PRDM16: variants seen among roughly 807,000 people sequenced by gnomAD.
PRDM16 encodes PR/SET domain 16.
Under a neutral mutation model 110.6 loss-of-function variants are expected in PRDM16, and 23 were observed. The observed-to-expected ratio is 0.21, with a 90% confidence interval of 0.15 to 0.29. The LOEUF is 0.29. PRDM16 is among the 10% of genes least tolerant of loss of function. The pLI is 1.00. For synonymous variants in PRDM16, 799 were observed against 781.8 expected (o/e 1.02, Z -0.37); for missense variants, 1,615 against 1,794.3 (o/e 0.90, Z 1.81).
At chr1:3,349,649 G>A (rs949112065) in intron 3 of PRDM16, among the ~76,000 whole-genome samples, 4 of 152,202 alleles carry the variant, frequency 2.6e-5, no homozygotes, top group East Asian at 1.9e-4. Flanking sequence ...GCTCAGGGCC[G>A]CCCGTGAAAG....
At chr1:3,316,245 C>T (rs1337171979) in intron 3 of PRDM16, among the ~76,000 whole-genome samples, 1 of 125,536 alleles carries the variant, frequency 8.0e-6, no homozygotes, top group Non-Finnish European at 1.5e-5. Context: ...TCCCGAGTCA[C>T]TTACCAGGTT....
intron 1 of PRDM16, among the ~76,000 whole-genome samples, chr1:3,137,832 G>A (rs1006811601): frequency 1.3e-5 from 2 of 152,230 alleles, no homozygotes; most frequent in Admixed American, 6.5e-5. Context: ...TCGCTTGTCC[G>A]GAGGTCCCTG....
At chr1:3,100,727 G>A (rs187820929) in intron 1 of PRDM16, among the ~76,000 whole-genome samples, 5 of 152,118 alleles carry the variant, frequency 3.3e-5, no homozygotes, top group African/African-American at 4.8e-5. Context: ...ACCCACACAC[G>A]CCCTATAGGG....
intron 4 of PRDM16, among the ~76,000 whole-genome samples, chr1:3,391,028 G>A (rs1349808230): frequency 2.0e-5 from 3 of 152,044 alleles, no homozygotes; most frequent in African/African-American, 4.8e-5. Flanking sequence ...TAGAGACAGG[G>A]TTTCACCATG....
chr1:3,243,997 A>G lies in PRDM16; in HGVS notation c.388-90A>G. 7.6e-7 allele frequency: 1 copy of G among 1,313,098 alleles called. No individual in the cohort carries two copies. The highest frequency in any genetic ancestry group is 1.2e-5 in the South Asian group (1 of 84,146). 81.3% of individuals were successfully genotyped at this position (1,313,098 alleles called of 1,614,324 possible). On this transcript the variant is annotated intron_variant, in intron 2 of 16. Transcript: ENST00000270722. The surrounding 1 kb of genome is among the most constrained non-coding windows in gnomAD (Gnocchi z 5.5). ...GGGTCCCACCCTGTGACTTTTGGGG[A>G]CAGTGGTTCTGCCCCCACCATTTAG...
rs370063016 is a variant in PRDM16 at position 3,336,277 on chromosome 1, T to C, written c.439-48875T>C. Among the ~76,000 whole-genome samples, 10 of 152,074 alleles carry C rather than the reference T, an allele frequency of 6.6e-5. No homozygotes were observed. The East Asian group carries it at 1.5e-3, about 23-fold the overall frequency. ...GTCTGTGTGTAGGTGTAGGCATGTT[T>C]ATCTCTGTGTATGAGCACGTGTGTG... is the stretch of plus-strand genomic sequence containing the variant. On this transcript the variant is annotated intron_variant, in intron 3 of 16. Coordinates refer to ENST00000270722, the MANE Select transcript of PRDM16 (RefSeq NM_022114.4).
rs2250291 is a variant in PRDM16, at chr1:3,290,616, C to G, written c.438+46479C>G. Among the ~76,000 whole-genome samples the G allele has an allele frequency of 7.2e-5, 11 of 152,056 alleles. No individual in the cohort carries two copies. Among genetic ancestry groups the G allele is most frequent in the Non-Finnish European group, 7.4e-5 (5 of 68,024 alleles). On this transcript the variant is annotated intron_variant, in intron 3 of 16. Transcript: ENST00000270722. The surrounding 1 kb of genome is among the most constrained non-coding windows in gnomAD (Gnocchi z 4.8). ...GGCTCCGGCTCCGTCTGCAGGATCC[C>G]TCCCAGGACGCAGTGGTGGGCCCAG... is the stretch of plus-strand genomic sequence containing the variant.
rs548892288 is a variant in PRDM16, at chr1:3,340,940, G to A, written c.439-44212G>A. Among the ~76,000 whole-genome samples, 21 of 152,280 alleles carry A rather than the reference G, an allele frequency of 1.4e-4. No individual in the cohort carries two copies. In the South Asian group the frequency reaches 3.7e-3, roughly 27 times the overall value. On this transcript the variant is annotated intron_variant, in intron 3 of 16. Transcript: ENST00000270722. ...CTGGCTGGAGTCCTCCCTGGAGGAA[G>A]GGGAGCATGGCCCCCGTGAGCTGAC...
chr1:3,210,263 A>G (rs562278227), intron 2 of PRDM16, among the ~76,000 whole-genome samples: 1 of 152,358 alleles, frequency 6.6e-6, no homozygotes, highest in South Asian at 2.1e-4. Context: ...TCCTTGCACT[A>G]GGATTCAACA....
At chr1:3,354,459 C>A (rs1285284488) in intron 3 of PRDM16, among the ~76,000 whole-genome samples, 262 of 112,978 alleles carry the variant, frequency 2.3e-3, no homozygotes, top group East Asian at 3.1e-3. Context: ...GACTCTGCCT[C>A]AAAAAAAAAA....
Position 3,353,619 on chromosome 1 carries a change from G to A in PRDM16, c.439-31533G>A, listed in dbSNP as rs182320771. Among the ~76,000 whole-genome samples the A allele has an allele frequency of 5.1e-4, 77 of 152,314 alleles. No individual in the cohort carries two copies. The highest frequency in any genetic ancestry group is 1.1e-3 in the African/African-American group (46 of 41,572). ...ATGAGTCCAGCCCCGCAGTGTGACC[G>A]GCAGTTGGCAAACCATTGACTCAGG... is the stretch of plus-strand genomic sequence containing the variant. On this transcript the variant is annotated intron_variant, in intron 3 of 16. Transcript: ENST00000270722. This position sits in a 1 kb window ranked among gnomAD's most constrained non-coding sequence, Gnocchi z 5.4.
chr1:3,336,242 G>A (rs2100499853), intron 3 of PRDM16, among the ~76,000 whole-genome samples: 1 of 152,372 alleles, frequency 6.6e-6, no homozygotes, highest in East Asian at 1.9e-4. Flanking sequence ...GCGTATATAT[G>A]TATGTTGGAG....
intron 3 of PRDM16, among the ~76,000 whole-genome samples, chr1:3,277,108 C>T (rs767122789): frequency 6.6e-6 from 1 of 152,222 alleles, no homozygotes; most frequent in Non-Finnish European, 1.5e-5. Flanking sequence ...CATTCGTCAC[C>T]TGCTGCCTGT....
intron 3 of PRDM16, among the ~76,000 whole-genome samples, chr1:3,352,698 C>G (rs2100541417): frequency 6.6e-6 from 1 of 152,364 alleles, no homozygotes; most frequent in East Asian, 1.9e-4. Flanking sequence ...CGTTCAGGCC[C>G]TAAATACACC....
chr1:3,232,611 A>T (rs1156882826), intron 2 of PRDM16, among the ~76,000 whole-genome samples: 2 of 152,206 alleles, frequency 1.3e-5, no homozygotes, highest in Non-Finnish European at 2.9e-5. Context: ...ACAAGCGAGG[A>T]TGAGAGAAAG....
Position 3,301,090 on chromosome 1 carries a change from G to A in PRDM16, c.438+56953G>A, listed in dbSNP as rs181071462. Among the ~76,000 whole-genome samples the A allele has an allele frequency of 4.3e-3, 655 of 152,246 alleles. 3 individuals are homozygous for A. The highest frequency in any genetic ancestry group is 0.01 in the Middle Eastern group (3 of 294). Reference sequence around the variant, plus strand: ...TCATACCTGTAATCCCAACACTTTGGGAGGATAAAGAGGGCAGATTGCTTG... The same window carrying A: ...TCATACCTGTAATCCCAACACTTTGAGAGGATAAAGAGGGCAGATTGCTTG... On this transcript the variant is annotated intron_variant, in intron 3 of 16. Coordinates refer to ENST00000270722, the MANE Select transcript of PRDM16 (RefSeq NM_022114.4).
At chr1:3,362,784 G>A (rs1429492058) in intron 3 of PRDM16, among the ~76,000 whole-genome samples, 1 of 152,176 alleles carries the variant, frequency 6.6e-6, no homozygotes, top group Admixed American at 6.5e-5. Flanking sequence ...CCCGTGGGAC[G>A]GTCTCCTCCC....
At chr1:3,407,694 C>T (rs1188287200) in intron 8 of PRDM16, among the ~76,000 whole-genome samples, 1 of 152,190 alleles carries the variant, frequency 6.6e-6, no homozygotes, top group Non-Finnish European at 1.5e-5. Flanking sequence ...GTTCTAAAGT[C>T]CCGTTGCATC....
rs1025446925 is a variant in PRDM16, at chr1:3,346,290, G to A, written c.439-38862G>A. ...CCCAGGACGTCTTGGAGGTGTTTGT[G>A]CGTCGAGTTCTGTGTGACATAGGCT... is the stretch of plus-strand genomic sequence containing the variant. On this transcript the variant is annotated intron_variant, in intron 3 of 16. Coordinates refer to ENST00000270722, the MANE Select transcript of PRDM16 (RefSeq NM_022114.4). 3.9e-5 allele frequency among the ~76,000 whole-genome samples: 6 copies of A among 152,212 alleles called. No individual in the cohort carries two copies. The South Asian group carries it at 1.2e-3, about 32-fold the overall frequency.
Sources: allele counts gnomAD v4.1 joint callset (sites outside exome capture counted in the v4.1 genomes callset), GRCh38; gene constraint gnomAD v4.1.1; non-coding constraint Gnocchi (gnomAD v3.1); transcripts MANE v1.5; gene names NCBI Gene and HGNC (gene_info 2026-07-23, HGNC 2026-07-21).